DHX38: variants seen among roughly 807,000 people sequenced by gnomAD.
DHX38 encodes pre-mRNA-splicing factor ATP-dependent RNA helicase PRP16.
In DHX38, 100 loss-of-function variants were observed where a neutral mutation model predicts 153.1. The observed-to-expected ratio is 0.65, with a 90% confidence interval of 0.56 to 0.77. DHX38 has a LOEUF of 0.77. Ranked by LOEUF, DHX38 falls within the 30% of genes least tolerant of loss-of-function variation. DHX38 has a pLI of 0.00. For synonymous variants in DHX38, 650 were observed against 631.7 expected (o/e 1.03, Z -0.43); for missense variants, 1,440 against 1,654.0 (o/e 0.87, Z 2.24).
At position 72,105,122 on chromosome 16, in the gene DHX38, C is replaced by T. The variant is rs773614483; in HGVS notation, c.2247C>T (p.Gly749=). The T allele has an allele frequency of 6.2e-7, 1 of 1,614,176 alleles. No individual in the cohort carries two copies. Among genetic ancestry groups the T allele is most frequent in the East Asian group, 2.2e-5 (1 of 44,884 alleles). ...GAGACATCCTTATCTTCATGCCTGG[C>T]CAAGAGGACATTGAGGTGCGTGCCT... is the stretch of plus-strand genomic sequence containing the variant. ...APGDILIFMP[G]QEDIEVTSDQ... The change falls in exon 16 of 27, where the codon GGC becomes GGT. Residue 749 remains glycine (G), a synonymous_variant. Transcript: ENST00000268482.
Position 72,105,466 on chromosome 16 carries a change from C to A in DHX38, c.2380-51C>A, listed in dbSNP as rs868196041. On this transcript the variant is annotated intron_variant, in intron 17 of 26. Coordinates refer to ENST00000268482, the MANE Select transcript of DHX38 (RefSeq NM_014003.4). ...GGTAGGCTTTTCCCCCTCGCGGAGC[C>A]TTTCCTGTCTCGAGGGACTCATTTT... 4 of 1,609,654 alleles carry A rather than the reference C, an allele frequency of 2.5e-6. No individual in the cohort carries two copies. In the Middle Eastern group the frequency reaches 5.0e-4, roughly 200 times the overall value.
chr16:72,104,732 A>T lies in DHX38; in HGVS notation c.2151+106A>T. 6.6e-7 allele frequency: 1 copy of T among 1,524,266 alleles called. No individual in the cohort carries two copies. Among genetic ancestry groups the T allele is most frequent in the Admixed American group, 1.8e-5 (1 of 56,610 alleles). The allele number at this position is 1,524,266 out of a possible 1,614,324, so 94.4% of individuals were successfully genotyped here. On this transcript the variant is annotated intron_variant, in intron 15 of 26. Transcript: ENST00000268482. The surrounding 1 kb of genome is among the most constrained non-coding windows in gnomAD (Gnocchi z 4.5). ...TGGGTAGGGGACTGGGTTGGAGAAG[A>T]TTTCCTGGGGACCATGGGGCAAATG...
chr16:72,099,199 T>C lies in DHX38; in HGVS notation c.884-5T>C. 6.2e-7 allele frequency: 1 copy of C among 1,608,138 alleles called. No homozygotes were observed. The highest frequency in any genetic ancestry group is 8.5e-7 in the Non-Finnish European group (1 of 1,177,538). On this transcript the variant is annotated splice_polypyrimidine_tract_variant and splice_region_variant and intron_variant, in intron 6 of 26. Transcript: ENST00000268482. Reference sequence around the variant, plus strand: ...TGGACTGACCTGCTTCCTGTGCTCCTCCAGGAAGACGTGAGGAGGGCGAAG... The same window carrying C: ...TGGACTGACCTGCTTCCTGTGCTCCCCCAGGAAGACGTGAGGAGGGCGAAG...
At chr16:72,111,531 G>C (rs150802712) in intron 26 of DHX38, among the ~76,000 whole-genome samples, 75 of 152,334 alleles carry the variant, frequency 4.9e-4, no homozygotes, top group African/African-American at 1.6e-3. Context: ...GACCCCTGCA[G>C]GTTCAGTATT....
At position 72,099,011 on chromosome 16, in the gene DHX38, C is replaced by G. The variant is rs2042060126; in HGVS notation, c.849C>G (p.His283Gln). Residue 283 changes from histidine (H) to glutamine (Q), a missense_variant, in exon 6 of 27, where the codon CAC becomes CAG. His to Gln is a conservative substitution (Grantham distance 24, BLOSUM62 0). Transcript: ENST00000268482. Reference protein sequence around the residue: ...KYNEWADDRRHLGSTPRLSRG... With the variant: ...KYNEWADDRRQLGSTPRLSRG... Reference sequence around the variant, plus strand: ...ACGAGTGGGCCGATGACAGAAGACACTTGGGGTCCACCCCGCGTCTGTCCA... The same window carrying G: ...ACGAGTGGGCCGATGACAGAAGACAGTTGGGGTCCACCCCGCGTCTGTCCA... 2 of 1,613,024 alleles carry G rather than the reference C, an allele frequency of 1.2e-6. No individual in the cohort carries two copies. The highest frequency in any genetic ancestry group is 1.3e-5 in the African/African-American group (1 of 74,912).
chr16:72,099,440 C>T (rs938517517), intron 7 of DHX38, among the ~76,000 whole-genome samples, 160 bp downstream of exon 7: 1 of 152,176 alleles, frequency 6.6e-6, no homozygotes, highest in Non-Finnish European at 1.5e-5. Flanking sequence ...ACGGTGAACC[C>T]TGTCACTCAC....
chr16:72,101,087 C>T lies in DHX38; in HGVS notation c.1280C>T (p.Pro427Leu), dbSNP rs1056618993. 10 of 1,614,164 alleles carry T rather than the reference C, an allele frequency of 6.2e-6. No individual in the cohort carries two copies. The highest frequency in any genetic ancestry group is 4.0e-5 in the African/African-American group (3 of 75,042). ...LDGRIVFTKQPEPVIPVKDAT... is the reference protein window; with the variant it reads ...LDGRIVFTKQLEPVIPVKDAT... ...CGCTCTTTCTCCCCACTGCTGCAGC[C>T]GGAGCCGGTGATTCCAGTGAAGGAT... The change falls in exon 10 of 27, where the codon CCG becomes CTG. Residue 427 changes from proline to leucine, a missense_variant and splice_region_variant. Coordinates refer to ENST00000268482, the MANE Select transcript of DHX38 (RefSeq NM_014003.4).
chr16:72,097,430 C>T (rs1045895423), intron 3 of DHX38: 5 of 491,954 alleles, frequency 1.0e-5, no homozygotes, highest in African/African-American at 5.8e-5. Context: ...ACTGTAAACT[C>T]GCACTAGTAT....
intron 3 of DHX38, 51 bp downstream of exon 3, chr16:72,097,060 G>T (rs1338116254): frequency 3.2e-6 from 5 of 1,539,196 alleles, no homozygotes; most frequent in Admixed American, 1.9e-5. Flanking sequence ...GAATAAATGT[G>T]TCAGCCTTTT....
In DHX38 at chr16:72,099,042, C is replaced by T. The variant is rs2042061073; in HGVS notation, c.880C>T (p.Arg294Ter). 2 of 1,612,348 alleles carry T rather than the reference C, an allele frequency of 1.2e-6. No individual in the cohort carries two copies. The highest frequency in any genetic ancestry group is 1.7e-5 in the Admixed American group (1 of 60,002). The change falls in exon 6 of 27, where the codon CGA becomes TGA. Residue 294 changes from arginine to a stop codon, truncating the protein, a stop_gained. Coordinates refer to ENST00000268482, the MANE Select transcript of DHX38 (RefSeq NM_014003.4). LOFTEE classifies it high-confidence loss of function. ...GTCCACCCCGCGTCTGTCCAGGGGCCGAGGTGAGGCCTGTGGGGCAGCAGG... is the reference window on the plus strand; with the variant it reads ...GTCCACCCCGCGTCTGTCCAGGGGCTGAGGTGAGGCCTGTGGGGCAGCAGG... ...LGSTPRLSRG[R>*]GRREEGEEGI...
intron 25 of DHX38, chr16:72,109,806 G>A (rs184078706): frequency 3.9e-5 from 9 of 232,406 alleles, no homozygotes; most frequent in African/African-American, 1.9e-4. Flanking sequence ...CTCTATAATT[G>A]TCAACGTTTG....
At position 72,096,849 on chromosome 16, in the gene DHX38, T is replaced by A. The variant is rs368122255; in HGVS notation, c.351T>A (p.Thr117=). Residue 117 remains threonine, a synonymous_variant, in exon 3 of 27, where the codon ACT becomes ACA. Transcript: ENST00000268482. ...DRHYRSARVE[T]PSHPGGVSEE... ...ATTATCGGTCTGCTCGGGTAGAGAC[T>A]CCATCCCATCCGGGTGGTGTGAGCG... is the stretch of plus-strand genomic sequence containing the variant. 1.9e-6 allele frequency: 3 copies of A among 1,613,626 alleles called. No homozygotes were observed. The highest frequency in any genetic ancestry group is 2.5e-6 in the Non-Finnish European group (3 of 1,179,850).
chr16:72,104,650 A>C lies in DHX38; in HGVS notation c.2151+24A>C. 1.2e-6 allele frequency: 2 copies of C among 1,613,558 alleles called. No individual in the cohort carries two copies. The highest frequency in any genetic ancestry group is 1.7e-6 in the Non-Finnish European group (2 of 1,179,818). The stretch of plus-strand genomic sequence containing the variant: ...AGGTATTGAGGCCACCATGTTACGA[A>C]CTGACCCTTCCATGCCACGCACTTC... On this transcript the variant is annotated intron_variant, in intron 15 of 26. Coordinates refer to ENST00000268482, the MANE Select transcript of DHX38 (RefSeq NM_014003.4). This position sits in a 1 kb window ranked among gnomAD's most constrained non-coding sequence, Gnocchi z 4.5.
rs1437287835 is a variant in DHX38 at position 72,112,795 on chromosome 16, A to C, written c.*298A>C. On this transcript the variant is annotated 3_prime_UTR_variant, in exon 27 of 27. Transcript: ENST00000268482. ...GCCCAGGACACTTGGTGTATGCGTGACTTGGCTGTGGCTGTCTTTTTTAAT... is the reference window on the plus strand; with the variant it reads ...GCCCAGGACACTTGGTGTATGCGTGCCTTGGCTGTGGCTGTCTTTTTTAAT... The C allele has an allele frequency of 1.4e-6, 1 of 702,644 alleles. No homozygotes were observed. Among genetic ancestry groups the C allele is most frequent in the African/African-American group, 1.7e-5 (1 of 57,262 alleles). 43.5% of individuals were successfully genotyped at this position (702,644 alleles called of 1,614,324 possible). A position where few individuals can be genotyped will look rare whatever the true frequency, so the allele number is the denominator to read the frequency against.
chr16:72,093,959 AT>A lies in DHX38; in HGVS notation c.-108del. On this transcript the variant is annotated 5_prime_UTR_variant, in exon 1 of 27. It removes the in-frame stop codon of an upstream open reading frame in the 5' UTR. Transcript: ENST00000268482. ...AATAATGGCCGCTTTCAAGGTGTGG[AT>A]TTTGGCTCCTTGAGCCTGTCTGAGC... 2 of 152,370 alleles carry A rather than the reference AT, an allele frequency of 1.3e-5. No homozygotes were observed. Among genetic ancestry groups the A allele is most frequent in the Non-Finnish European group, 2.9e-5 (2 of 68,176 alleles). The allele number at this position is 152,370 out of a possible 1,614,324, so 9.4% of individuals were successfully genotyped here.
chr16:72,096,942 C>T lies in DHX38; in HGVS notation c.444C>T (p.Ser148=). The part of the protein sequence containing the change: ...ERREHGVYAS[S]KEEKDWKKEK... ...GGGAACATGGTGTCTATGCCTCGTC[C>T]AAAGAAGAAAAGGATTGGAAGAAGG... is the stretch of plus-strand genomic sequence containing the variant. The change falls in exon 3 of 27, where the codon TCC becomes TCT. Residue 148 remains serine, a synonymous_variant. Coordinates refer to ENST00000268482, the MANE Select transcript of DHX38 (RefSeq NM_014003.4). The T allele has an allele frequency of 6.2e-7, 1 of 1,614,028 alleles. No homozygotes were observed. The highest frequency in any genetic ancestry group is 8.5e-7 in the Non-Finnish European group (1 of 1,179,982).
In DHX38 at chr16:72,101,552, G is replaced by A. The variant is rs1231636851; in HGVS notation, c.1439G>A (p.Gly480Asp). ...GGGACCAAACTGGGAGATATAATGG[G>A]CGTCAAGAAGGAGGAAGAGCCAGAT... ...LAGTKLGDIM[G>D]VKKEEEPDKA... Residue 480 changes from glycine to aspartate, a missense_variant, in exon 11 of 27, where the codon GGC (glycine) becomes GAC (aspartate). Around this residue, in one of 6 missense-constraint regions of DHX38, gnomAD observed 241 missense variants for 229.5 expected, o/e 1.05. Transcript: ENST00000268482. 4 of 1,552,192 alleles carry A rather than the reference G, an allele frequency of 2.6e-6. No homozygotes were observed. Among genetic ancestry groups the A allele is most frequent in the South Asian group, 2.4e-5 (2 of 84,080 alleles).
intron 11 of DHX38, among the ~76,000 whole-genome samples, chr16:72,102,263 G>A (rs937842951): frequency 2.0e-5 from 3 of 152,170 alleles, no homozygotes; most frequent in African/African-American, 7.2e-5. Context: ...TGGTACTATT[G>A]ATCAGCCCTT....
Position 72,099,822 on chromosome 16 carries a change from C to T in DHX38, c.1051C>T (p.Arg351Trp), listed in dbSNP as rs1011056954. 4 of 1,613,854 alleles carry T rather than the reference C, an allele frequency of 2.5e-6. No homozygotes were observed. The highest frequency in any genetic ancestry group is 1.3e-5 in the African/African-American group (1 of 75,052). Residue 351 changes from arginine (R) to tryptophan (W), a missense_variant, in exon 8 of 27, where the codon CGG becomes TGG. By Grantham distance (101) the Arg-to-Trp change is moderately radical. Coordinates refer to ENST00000268482, the MANE Select transcript of DHX38 (RefSeq NM_014003.4). ...AYSSEDYVRRREQHLHKQKQK... is the reference protein window; with the variant it reads ...AYSSEDYVRRWEQHLHKQKQK... ...CTCCTCCGAGGACTACGTGAGGAGG[C>T]GGGAGCAGCACCTGCATAAACAGAA...
Sources: gnomAD v4.1 joint callset for allele counts (sites outside exome capture counted in the v4.1 genomes callset) on GRCh38, gnomAD v4.1.1 for gene constraint, gnomAD v4.1.1 regional missense constraint, Gnocchi (gnomAD v3.1) non-coding constraint, MANE v1.5 for transcripts, NCBI Gene and HGNC (gene_info 2026-07-23, HGNC 2026-07-21) for gene names.